The following MORC2 variants were observed in gnomAD, a reference collection of about 807,000 sequenced individuals.
MORC2 encodes MORC family CW-type zinc finger 2, also known as ATPase MORC2.
Under a neutral mutation model 136.0 loss-of-function variants are expected in MORC2, and 30 were observed. The ratio of observed to expected loss-of-function variants is 0.22; its 90% confidence interval spans 0.17 to 0.30. MORC2 has a LOEUF of 0.30. Ranked by LOEUF, MORC2 falls within the 10% of genes least tolerant of loss-of-function variation. The probability of loss-of-function intolerance (pLI) is 1.00; values close to 1 mark genes in which losing one functional copy is unlikely to be tolerated. For missense variants in MORC2, 922 were observed against 1,333.1 expected, an observed-to-expected ratio of 0.69 and a Z score of 4.80; for synonymous variants, 439 against 487.0, an observed-to-expected ratio of 0.90 and a Z score of 1.30.
intron 1 of MORC2, among the ~76,000 whole-genome samples, chr22:30,961,912 T>C (rs2041051884): frequency 6.6e-6 from 1 of 152,060 alleles, no homozygotes; most frequent in South Asian, 2.1e-4. Flanking sequence ...TGCTTAGAAA[T>C]GTGCCTTGTG....
chr22:30,943,833 G>A (rs918303753), intron 6 of MORC2, among the ~76,000 whole-genome samples: 7 of 152,132 alleles, frequency 4.6e-5, no homozygotes, highest in Admixed American at 6.5e-5. Flanking sequence ...CCAATGGCAC[G>A]ATCTCGGCTC....
At chr22:30,927,578 C>G (rs745712180) in intron 25 of MORC2, among the ~76,000 whole-genome samples, 10 of 152,226 alleles carry the variant, frequency 6.6e-5, no homozygotes, top group Non-Finnish European at 1.5e-4. Context: ...TTCCACCAGA[C>G]TGGCAGGCTG....
rs763643471 is a variant in MORC2, at chr22:30,949,847, A to G, written c.227-5T>C. 6.8e-6 allele frequency: 11 copies of G among 1,613,752 alleles called. No individual in the cohort carries two copies. The highest frequency in any genetic ancestry group is 8.5e-6 in the Non-Finnish European group (10 of 1,179,764). ...GGATCACACTGGCAGCATCACCTGA[A>G]AGGGCAGACACAAGAGAAAGTGAAA... On this transcript the variant is annotated splice_polypyrimidine_tract_variant and splice_region_variant and intron_variant, in intron 4 of 25. Coordinates refer to ENST00000397641, the MANE Select transcript of MORC2 (RefSeq NM_001303256.3).
At position 30,941,607 on chromosome 22, in the gene MORC2, C is replaced by A. The variant is rs1179769541; in HGVS notation, c.699-49G>T. 1.6e-5 allele frequency: 25 copies of A among 1,593,184 alleles called. 1 individual carries two copies. The highest frequency in any genetic ancestry group is 2.1e-5 in the Non-Finnish European group (25 of 1,166,054). On this transcript the variant is annotated intron_variant, in intron 8 of 25. Coordinates refer to ENST00000397641, the MANE Select transcript of MORC2 (RefSeq NM_001303256.3). This position sits in a 1 kb window ranked among gnomAD's most constrained non-coding sequence, Gnocchi z 4.6. ...GTGCTGTCACCTGCTCCACAACAGG[C>A]CTGACCAAGGGCACAACATCCTCTC...
At chr22:30,935,225 C>G (rs2040635811) in intron 18 of MORC2, 23 bp downstream of exon 18, 1 of 1,612,610 alleles carries the variant, frequency 6.2e-7, no homozygotes, top group Non-Finnish European at 8.5e-7. Flanking sequence ...AGGAAAAGCC[C>G]TTCCCAGGCC....
At chr22:30,938,226 A>C (rs2040686057) in intron 12 of MORC2, 21 bp from the exon 13 acceptor site, 4 of 1,610,960 alleles carry the variant, frequency 2.5e-6, no homozygotes, top group South Asian at 1.1e-5. Context: ...AAAAAAACTC[A>C]AGCAGATCTA....
At chr22:30,927,945 C>T in intron 25 of MORC2, 74 bp downstream of exon 25, 3 of 1,556,136 alleles carry the variant, frequency 1.9e-6, no homozygotes, top group Admixed American at 3.5e-5. Context: ...CTTGTGAGAA[C>T]AGGAACAGGG....
In MORC2 at chr22:30,936,951, G is replaced by A. The variant is rs753519224; in HGVS notation, c.1585C>T (p.Pro529Ser). The A allele has an allele frequency of 6.2e-7, 1 of 1,613,880 alleles. No homozygotes were observed. ...GCTCACCGGTCCTGTTCAGGATCAG[G>A]GTTCATGGAGCAAACCCAGGTGTCA... Reference protein sequence around the residue: ...YPDTWVCSMNPDPEQDRCEAS... With the variant: ...YPDTWVCSMNSDPEQDRCEAS... The change falls in exon 16 of 26, where the codon CCT becomes TCT. Residue 529 changes from proline to serine, a missense_variant. Coordinates refer to ENST00000397641, the MANE Select transcript of MORC2 (RefSeq NM_001303256.3).
chr22:30,960,863 T>G (rs1156605819), intron 1 of MORC2, among the ~76,000 whole-genome samples: 1 of 150,238 alleles, frequency 6.7e-6, no homozygotes, highest in Admixed American at 6.6e-5. Flanking sequence ...GTTGTTGTTG[T>G]TATTTTGTTT....
In MORC2 at chr22:30,946,332, G is replaced by C; in HGVS notation, c.426+9C>G. ...GACTGGTGATGCAGACCACGATGAT[G>C]GGACCTACTTCATCAATGCCTTCTT... On this transcript the variant is annotated intron_variant, in intron 6 of 25. Transcript: ENST00000397641. 1 of 1,597,734 alleles carries C rather than the reference G, an allele frequency of 6.3e-7. No individual in the cohort carries two copies. The highest frequency in any genetic ancestry group is 1.1e-5 in the South Asian group (1 of 88,370).
intron 1 of MORC2, among the ~76,000 whole-genome samples, chr22:30,962,731 A>G (rs772811491): frequency 1.3e-5 from 2 of 152,232 alleles, no homozygotes; most frequent in African/African-American, 2.4e-5. Context: ...ATGGCAGTAC[A>G]TATCATAAAA....
At position 30,935,002 on chromosome 22, in the gene MORC2, C is replaced by A. The variant is rs1025079681; in HGVS notation, c.1972G>T (p.Ala658Ser). 1.2e-6 allele frequency: 2 copies of A among 1,614,076 alleles called. No individual in the cohort carries two copies. Among genetic ancestry groups the A allele is most frequent in the Non-Finnish European group, 1.7e-6 (2 of 1,180,024 alleles). Residue 658 changes from alanine to serine, a missense_variant, in exon 19 of 26, where the codon GCC becomes TCC. Physicochemically the swap from Ala to Ser is moderately conservative, Grantham distance 99 (BLOSUM62 1). This residue lies in a region of MORC2 where 184 missense variants were observed against 180.3 expected (regional missense o/e 1.02). Coordinates refer to ENST00000397641, the MANE Select transcript of MORC2 (RefSeq NM_001303256.3). Reference sequence around the variant, plus strand: ...CTAGATGTGCTGGCCTCCTCCCGGGCTGCCAAAGCAGGGAGCTTTGGGGTA... The same window carrying A: ...CTAGATGTGCTGGCCTCCTCCCGGGATGCCAAAGCAGGGAGCTTTGGGGTA... ...SSTPKLPALAAREEASTSRLL... is the reference protein window; with the variant it reads ...SSTPKLPALASREEASTSRLL...
intron 17 of MORC2, 150 bp downstream of exon 17, chr22:30,936,361 T>C: frequency 1.0e-6 from 1 of 984,230 alleles, no homozygotes; most frequent in Non-Finnish European, 1.5e-6. Context: ...CACGTGGACC[T>C]GGAGGTTGGG....
intron 3 of MORC2, among the ~76,000 whole-genome samples, chr22:30,956,362 A>C (rs1477061309): frequency 6.6e-6 from 1 of 152,222 alleles, no homozygotes; most frequent in Admixed American, 6.5e-5. Flanking sequence ...AGTTGAGACT[A>C]GTGCTCACCA....
At chr22:30,936,787 C>G in intron 16 of MORC2, 144 bp from the exon 17 acceptor site, 1 of 1,284,456 alleles carries the variant, frequency 7.8e-7, no homozygotes, top group Non-Finnish European at 1.1e-6. Context: ...TTATACACTG[C>G]AGGACATACA....
intron 11 of MORC2, 108 bp downstream of exon 11, chr22:30,939,851 C>A: frequency 1.5e-6 from 2 of 1,364,512 alleles, no homozygotes; most frequent in Non-Finnish European, 2.0e-6. Flanking sequence ...GAAAACAGCC[C>A]TCACTGGGGA....
intron 12 of MORC2, among the ~76,000 whole-genome samples, chr22:30,938,902 A>G (rs560538858): frequency 6.6e-6 from 1 of 152,326 alleles, no homozygotes; most frequent in African/African-American, 2.4e-5. Flanking sequence ...AAAATTCACA[A>G]GAATAATAAG....
At position 30,926,747 on chromosome 22, in the gene MORC2, C is replaced by CT; in HGVS notation, c.*55dup. The CT allele has an allele frequency of 2.0e-6, 3 of 1,488,676 alleles. No homozygotes were observed. Among genetic ancestry groups the CT allele is most frequent in the Non-Finnish European group, 2.8e-6 (3 of 1,074,286 alleles). 92.2% of individuals were successfully genotyped at this position (1,488,676 alleles called of 1,614,324 possible). On this transcript the variant is annotated 3_prime_UTR_variant, in exon 26 of 26. Transcript: ENST00000397641. Reference sequence around the variant, plus strand: ...AACCCATGAATGAAGTCCCCTCCCCCTGCAGCTACAGGGTTGAGGGGCAGG... The same window carrying CT: ...AACCCATGAATGAAGTCCCCTCCCCCTTGCAGCTACAGGGTTGAGGGGCAGG...
rs149352690 is a variant in MORC2, at chr22:30,929,488, C to A, written c.2842-1281G>T. Among the ~76,000 whole-genome samples the A allele has an allele frequency of 1.6e-4, 24 of 152,290 alleles. No individual in the cohort carries two copies. In the East Asian group the frequency reaches 4.6e-3, roughly 29 times the overall value. ...TGATGGCCAGGCGTGGTGCCTCACA[C>A]CTGTAATCCCAGCACTTTGGGAGGC... On this transcript the variant is annotated intron_variant, in intron 24 of 25. Coordinates refer to ENST00000397641, the MANE Select transcript of MORC2 (RefSeq NM_001303256.3).
Sources: allele counts gnomAD v4.1 joint callset (sites outside exome capture counted in the v4.1 genomes callset), GRCh38; gene constraint gnomAD v4.1.1; regional missense constraint gnomAD v4.1.1; non-coding constraint Gnocchi (gnomAD v3.1); transcripts MANE v1.5; gene names NCBI Gene and HGNC (gene_info 2026-07-23, HGNC 2026-07-21).